SEC22A: variants seen among roughly 807,000 people sequenced by gnomAD.
The protein encoded by SEC22A is SEC22 homolog A, vesicle trafficking protein, also known as vesicle-trafficking protein SEC22a.
SEC22A carries 22 observed loss-of-function variants against 35.3 expected under a neutral mutation model. The ratio of observed to expected loss-of-function variants is 0.62; its 90% confidence interval spans 0.45 to 0.89. The LOEUF (loss-of-function observed/expected upper bound fraction) is 0.89, where lower values mean the gene tolerates loss of function less well. SEC22A is among the 40% of genes least tolerant of loss of function. SEC22A has a pLI of 0.00. For synonymous variants in SEC22A, 119 were observed against 129.5 expected (o/e 0.92, Z 0.55); for missense variants, 354 against 362.5 (o/e 0.98, Z 0.19).
rs889039111 is a variant in SEC22A, at chr3:123,273,136, A to C, written c.*1414A>C. ...ACTGAAATTTGATATCATCCAGAAAAACAGATCCCATTACATTGTAATTGT... is the reference window on the plus strand; with the variant it reads ...ACTGAAATTTGATATCATCCAGAAACACAGATCCCATTACATTGTAATTGT... On this transcript the variant is annotated 3_prime_UTR_variant, in exon 7 of 7. Transcript: ENST00000492595. 13 of 152,506 alleles carry C rather than the reference A, an allele frequency of 8.5e-5. No individual in the cohort carries two copies. Among genetic ancestry groups the C allele is most frequent in the African/African-American group, 2.6e-4 (11 of 41,576 alleles). 9.4% of individuals were successfully genotyped at this position (152,506 alleles called of 1,614,324 possible). A position where few individuals can be genotyped will look rare whatever the true frequency, so the allele number is the denominator to read the frequency against.
Position 123,271,798 on chromosome 3 carries a change from A to C in SEC22A, c.*76A>C. 2 of 1,229,324 alleles carry C rather than the reference A, an allele frequency of 1.6e-6. No homozygotes were observed. The highest frequency in any genetic ancestry group is 2.3e-6 in the Non-Finnish European group (2 of 855,618). The allele number at this position is 1,229,324 out of a possible 1,614,324, so 76.2% of individuals were successfully genotyped here. A position where few individuals can be genotyped will look rare whatever the true frequency, so the allele number is the denominator to read the frequency against. On this transcript the variant is annotated 3_prime_UTR_variant, in exon 7 of 7. Coordinates refer to ENST00000492595, the MANE Select transcript of SEC22A (RefSeq NM_012430.5). ...ATATCATAACTGCACTGTGATGAAG[A>C]AGCTGTTCCCCACAGAGGAGAAGCT...
intron 5 of SEC22A, among the ~76,000 whole-genome samples, chr3:123,250,284 C>G (rs930237453): frequency 6.6e-6 from 1 of 152,126 alleles, no homozygotes; most frequent in African/African-American, 2.4e-5. Context: ...GTGGCGCACG[C>G]CTATAGTCCC....
rs1559763879 is a variant in SEC22A at position 123,260,169 on chromosome 3, A to AAAAAAC, written c.723+580_723+581insAAAAAC. Among the ~76,000 whole-genome samples, 27 of 114,836 alleles carry AAAAAAC rather than the reference A, an allele frequency of 2.4e-4. 1 individual carries two copies. The highest frequency in any genetic ancestry group is 9.0e-4 in the African/African-American group (26 of 28,756). The allele number at this position is 114,836 out of a possible 152,430, so 75.3% of individuals were successfully genotyped here. On this transcript the variant is annotated intron_variant, in intron 6 of 6. Coordinates refer to ENST00000492595, the MANE Select transcript of SEC22A (RefSeq NM_012430.5). ...AAAAAAAAAAAAAAAAAAAAAAAAA[A>AAAAAAC]CTACTAGATTTTCTGGTGGTTGATT...
intron 2 of SEC22A, among the ~76,000 whole-genome samples, chr3:123,221,463 T>G (rs1195902630): frequency 3.3e-5 from 3 of 91,566 alleles, no homozygotes; most frequent in African/African-American, 1.4e-4. Flanking sequence ...AGAGCAAGAG[T>G]CCATCTCAAA....
At chr3:123,241,596 C>T (rs1247907137) in intron 4 of SEC22A, among the ~76,000 whole-genome samples, 1 of 152,104 alleles carries the variant, frequency 6.6e-6, no homozygotes, top group Non-Finnish European at 1.5e-5. Flanking sequence ...TTCAAGTCTT[C>T]CTCCCTCCCT....
chr3:123,228,175 T>G (rs1430796493), intron 4 of SEC22A, among the ~76,000 whole-genome samples: 2 of 151,858 alleles, frequency 1.3e-5, no homozygotes, highest in Non-Finnish European at 2.9e-5. Flanking sequence ...GCCCAGTTGG[T>G]CAGGGGTGGT....
intron 1 of SEC22A, among the ~76,000 whole-genome samples, chr3:123,205,682 A>AAAACAAAAC (rs1936840692): frequency 6.6e-6 from 1 of 152,108 alleles, no homozygotes. Flanking sequence ...GTTTCAAAAC[A>AAAACAAAAC]AAACAAAACA....
intron 4 of SEC22A, among the ~76,000 whole-genome samples, chr3:123,242,671 C>CA (rs1248015798): frequency 2.0e-5 from 3 of 152,210 alleles, no homozygotes; most frequent in Non-Finnish European, 2.9e-5. Flanking sequence ...GCTCTGCAGT[C>CA]AGATAGACCT....
At chr3:123,219,684 A>C (rs973306090) in intron 2 of SEC22A, among the ~76,000 whole-genome samples, 1 of 152,154 alleles carries the variant, frequency 6.6e-6, no homozygotes, top group East Asian at 1.9e-4. Flanking sequence ...TCTTACTACT[A>C]TTTCTCTTCT....
At chr3:123,227,149 CATT>C (rs1937230451) in intron 4 of SEC22A, among the ~76,000 whole-genome samples, 1 of 151,846 alleles carries the variant, frequency 6.6e-6, no homozygotes, top group African/African-American at 2.4e-5. Flanking sequence ...ATGAACACCT[CATT>C]ATTTTATAAG....
intron 1 of SEC22A, among the ~76,000 whole-genome samples, chr3:123,206,124 T>C (rs1936847908): frequency 6.6e-6 from 1 of 152,200 alleles, no homozygotes; most frequent in Non-Finnish European, 1.5e-5. Flanking sequence ...TATTTTACTT[T>C]TTGAGACAGG....
Position 123,241,002 on chromosome 3 carries a change from T to TACACACACACACACACAC in SEC22A, c.542-4873_542-4856dup, listed in dbSNP as rs35775511. Among the ~76,000 whole-genome samples the TACACACACACACACACAC allele has an allele frequency of 1.4e-4, 20 of 142,676 alleles. No individual in the cohort carries two copies. In the East Asian group the frequency reaches 4.1e-3, roughly 29 times the overall value. 93.6% of individuals were successfully genotyped at this position (142,676 alleles called of 152,430 possible). A position where few individuals can be genotyped will look rare whatever the true frequency, so the allele number is the denominator to read the frequency against. The stretch of plus-strand genomic sequence containing the variant: ...AATAGATTTACTAATCTCTCTTTCT[T>TACACACACACACACACAC]ACACACACACACACACACACACACA... On this transcript the variant is annotated intron_variant, in intron 4 of 6. Transcript: ENST00000492595.
At chr3:123,203,709 A>C (rs544329789) in intron 1 of SEC22A, among the ~76,000 whole-genome samples, 2 of 152,282 alleles carry the variant, frequency 1.3e-5, no homozygotes, top group South Asian at 4.1e-4. Context: ...TAGAGATACT[A>C]GAAACTTAGA....
chr3:123,237,170 T>C (rs1396587788), intron 4 of SEC22A, among the ~76,000 whole-genome samples: 1 of 152,218 alleles, frequency 6.6e-6, no homozygotes, highest in East Asian at 1.9e-4. Flanking sequence ...ATTTAGTCTG[T>C]GGGTCATAGT....
At chr3:123,244,131 C>T (rs1937548328) in intron 4 of SEC22A, among the ~76,000 whole-genome samples, 1 of 151,180 alleles carries the variant, frequency 6.6e-6, no homozygotes, top group South Asian at 2.1e-4. Context: ...AAAAAAATAA[C>T]AAATAGTTAA....
rs1559767940 is a variant in SEC22A at position 123,274,033 on chromosome 3, CTTTGTT to C, written c.*2321_*2326del. 2 of 152,122 alleles carry C rather than the reference CTTTGTT, an allele frequency of 1.3e-5. No individual in the cohort carries two copies. Among genetic ancestry groups the C allele is most frequent in the African/African-American group, 4.8e-5 (2 of 41,420 alleles). 9.4% of individuals were successfully genotyped at this position (152,122 alleles called of 1,614,324 possible). The stretch of plus-strand genomic sequence containing the variant: ...CTCACCAACTATTTTTAAAGGCTTA[CTTTGTT>C]TTTGTTTTTATTTTTTCACTGGCTA... On this transcript the variant is annotated 3_prime_UTR_variant, in exon 7 of 7. Coordinates refer to ENST00000492595, the MANE Select transcript of SEC22A (RefSeq NM_012430.5).
At chr3:123,246,071 A>G (rs1937563720) in intron 5 of SEC22A, 57 bp downstream of exon 5, 3 of 859,122 alleles carry the variant, frequency 3.5e-6, no homozygotes, top group East Asian at 2.4e-5. Flanking sequence ...TACTGGTTAC[A>G]TAATTGATTT....
intron 6 of SEC22A, among the ~76,000 whole-genome samples, chr3:123,265,751 G>C (rs1393966350): frequency 6.6e-6 from 1 of 152,062 alleles, no homozygotes; most frequent in Non-Finnish European, 1.5e-5. Flanking sequence ...CTTCAACCAA[G>C]GTTCCTTTGT....
At position 123,203,053 on chromosome 3, in the gene SEC22A, CTTTT is replaced by C. The variant is rs779433710; in HGVS notation, c.-20+1098_-20+1101del. Among the ~76,000 whole-genome samples the C allele has an allele frequency of 1.2e-3, 51 of 43,834 alleles. 3 individuals carry two copies. The highest frequency in any genetic ancestry group is 2.1e-3 in the African/African-American group (20 of 9,430). 28.8% of individuals were successfully genotyped at this position (43,834 alleles called of 152,430 possible). The stretch of plus-strand genomic sequence containing the variant: ...GAAAACCATCACATCTGTTTAGTGC[CTTTT>C]TTTTTTTTTTTTTTTTTTTTTTTTT... On this transcript the variant is annotated intron_variant, in intron 1 of 6. Coordinates refer to ENST00000492595, the MANE Select transcript of SEC22A (RefSeq NM_012430.5).
Sources: allele counts gnomAD v4.1 joint callset (sites outside exome capture counted in the v4.1 genomes callset), GRCh38; gene constraint gnomAD v4.1.1; transcripts MANE v1.5; gene names NCBI Gene and HGNC (gene_info 2026-07-23, HGNC 2026-07-21).